Variants in XK observed in about 807,000 individuals in gnomAD.
XK encodes the protein X-linked Kx blood group antigen, Kell and VPS13A binding protein.
Under a neutral mutation model 14.0 loss-of-function variants are expected in XK, and 2 were observed. That is an observed-to-expected ratio of 0.14 (90% CI 0.06 to 0.45). The LOEUF (loss-of-function observed/expected upper bound fraction) is 0.45, where lower values mean the gene tolerates loss of function less well. Among genes scored for constraint, XK ranks in the 20% least tolerant of loss-of-function variants. The probability of loss-of-function intolerance (pLI) is 0.98; values close to 1 mark genes in which losing one functional copy is unlikely to be tolerated. For synonymous variants in XK, 149 were observed against 147.5 expected, an observed-to-expected ratio of 1.01 and a Z score of -0.08; for missense variants, 235 against 341.5, an observed-to-expected ratio of 0.69 and a Z score of 2.46.
intron 2 of XK, among the ~76,000 whole-genome samples, chrX:37,713,001 TG>T (rs1927696479): frequency 8.9e-6 from 1 of 112,002 alleles, no homozygotes; most frequent in Admixed American, 9.5e-5. Context: ...CTGTCTTCCT[TG>T]GCTTCTTATT....
intron 2 of XK, among the ~76,000 whole-genome samples, chrX:37,722,339 G>A (rs953255690): frequency 4.5e-5 from 5 of 110,857 alleles, no homozygotes; most frequent in African/African-American, 1.6e-4. Flanking sequence ...ATACACTAGG[G>A]GAAAAGAGTC....
chrX:37,685,811 G>C lies in XK; in HGVS notation c.-151G>C. On this transcript the variant is annotated 5_prime_UTR_variant, in exon 1 of 3. Coordinates refer to ENST00000378616, the MANE Select transcript of XK (RefSeq NM_021083.4). ...GTTCCAGAGCCCAGGCCGGTCGGCCGGGCCCGCGTGCCCTCGGCGGGCTGC... is the reference window on the plus strand; with the variant it reads ...GTTCCAGAGCCCAGGCCGGTCGGCCCGGCCCGCGTGCCCTCGGCGGGCTGC... 5 of 441,399 alleles carry C rather than the reference G, an allele frequency of 1.1e-5. No individual in the cohort carries two copies. The highest frequency in any genetic ancestry group is 1.0e-4 in the South Asian group (2 of 19,732). The allele number at this position is 441,399 out of a possible 1,213,427, so 36.4% of individuals were successfully genotyped here. A position where few individuals can be genotyped will look rare whatever the true frequency, so the allele number is the denominator to read the frequency against.
chrX:37,728,103 A>C lies in XK; in HGVS notation c.976A>C (p.Ile326Leu). The C allele has an allele frequency of 5.8e-6, 7 of 1,211,460 alleles. No homozygotes were observed. The highest frequency in any genetic ancestry group is 7.8e-6 in the Non-Finnish European group (7 of 895,394). ...ACTGGTGTATTACATGATAAGATTCATCGAGAATGCCATCCTCCTCCTCCT... is the reference window on the plus strand; with the variant it reads ...ACTGGTGTATTACATGATAAGATTCCTCGAGAATGCCATCCTCCTCCTCCT... ...QLLVYYMIRF[I>L]ENAILLLLWY... Residue 326 changes from isoleucine to leucine, a missense_variant, in exon 3 of 3, where the codon ATC becomes CTC. Coordinates refer to ENST00000378616, the MANE Select transcript of XK (RefSeq NM_021083.4).
At position 37,694,503 on chromosome X, in the gene XK, C is replaced by G; in HGVS notation, c.463C>G (p.Gln155Glu). The change falls in exon 2 of 3, where the codon CAG becomes GAG. Residue 155 changes from glutamine (Q) to glutamate (E), a missense_variant. Coordinates refer to ENST00000378616, the MANE Select transcript of XK (RefSeq NM_021083.4). ...GGGCTCAGCCCCCCAGCTGACCCTA[C>G]AGCTGTACATAAGTGTCATGCAGCA... ...FLGSAPQLTL[Q>E]LYISVMQQDV... The G allele has an allele frequency of 8.4e-7, 1 of 1,192,279 alleles. No homozygotes were observed. Among genetic ancestry groups the G allele is most frequent in the East Asian group, 3.0e-5 (1 of 33,109 alleles).
chrX:37,712,431 C>T (rs941662250), intron 2 of XK, among the ~76,000 whole-genome samples: 3 of 112,061 alleles, frequency 2.7e-5, no homozygotes, highest in African/African-American at 9.7e-5. Flanking sequence ...TGGTGCTTTA[C>T]ATGATATAAG....
chrX:37,726,442 G>T (rs1232724562), intron 2 of XK, among the ~76,000 whole-genome samples: 3 of 111,630 alleles, frequency 2.7e-5, no homozygotes, highest in African/African-American at 9.8e-5. Context: ...GGTGAGACAA[G>T]AAAAAAACGA....
Position 37,730,182 on chromosome X carries a change from A to G in XK, c.*1720A>G, listed in dbSNP as rs1928058719. 1 of 111,862 alleles carries G rather than the reference A, an allele frequency of 8.9e-6. No individual in the cohort carries two copies. Among genetic ancestry groups the G allele is most frequent in the East Asian group, 2.8e-4 (1 of 3,557 alleles). 9.2% of individuals were successfully genotyped at this position (111,862 alleles called of 1,213,427 possible). The stretch of plus-strand genomic sequence containing the variant: ...TTTTTTGTCTATTTTTAACCAAATA[A>G]GAATAACACTCAAGACTATGTTCTC... On this transcript the variant is annotated 3_prime_UTR_variant, in exon 3 of 3. Coordinates refer to ENST00000378616, the MANE Select transcript of XK (RefSeq NM_021083.4).
chrX:37,686,195 G>T lies in XK; in HGVS notation c.234G>T (p.Gly78=), dbSNP rs1556440167. 8.3e-7 allele frequency: 1 copy of T among 1,207,913 alleles called. No individual in the cohort carries two copies. Among genetic ancestry groups the T allele is most frequent in the South Asian group, 1.8e-5 (1 of 56,373 alleles). ...LVLLLHLLQL[G]PLFRCFEVFC... is the part of the protein sequence containing the mutation. ...TGCTGCTGCACCTGCTGCAACTTGG[G>T]CCCCTTTTCAGGTGCGTGCAGAAGC... The change falls in exon 1 of 3, where the codon GGG becomes GGT. Residue 78 remains glycine, a synonymous_variant. Transcript: ENST00000378616.
intron 2 of XK, among the ~76,000 whole-genome samples, chrX:37,703,899 A>G (rs1186124527): frequency 8.9e-6 from 1 of 112,617 alleles, no homozygotes; most frequent in Non-Finnish European, 1.9e-5. Flanking sequence ...TATTTGGGTA[A>G]GGCCAGACAG....
chrX:37,708,324 A>G (rs1556445940), intron 2 of XK, among the ~76,000 whole-genome samples: 1 of 111,940 alleles, frequency 8.9e-6, no homozygotes, highest in African/African-American at 3.3e-5. Context: ...AAGATGCTGC[A>G]CTGCTGGCTT....
chrX:37,713,219 G>A (rs145225355), intron 2 of XK, among the ~76,000 whole-genome samples: 202 of 111,981 alleles, frequency 1.8e-3, no homozygotes, highest in Non-Finnish European at 3.3e-3. Context: ...ATTTGGTACT[G>A]TTTAATACTG....
chrX:37,714,322 A>G (rs1368692189), intron 2 of XK, among the ~76,000 whole-genome samples: 1 of 111,121 alleles, frequency 9.0e-6, no homozygotes, highest in African/African-American at 3.3e-5. Context: ...TATTTCTTAT[A>G]TAATAAGAAA....
chrX:37,722,087 G>A (rs1241389975), intron 2 of XK, among the ~76,000 whole-genome samples: 1 of 111,619 alleles, frequency 9.0e-6, no homozygotes, highest in Non-Finnish European at 1.9e-5. Flanking sequence ...TTTTTGAGGT[G>A]ATGAAAACTT....
At chrX:37,724,498 T>C (rs1927939416) in intron 2 of XK, among the ~76,000 whole-genome samples, 1 of 111,483 alleles carries the variant, frequency 9.0e-6, no homozygotes, top group South Asian at 3.7e-4. Flanking sequence ...AAAATTAACC[T>C]GAAATGGCTC....
chrX:37,689,264 A>G (rs1335005835), intron 1 of XK, among the ~76,000 whole-genome samples: 1 of 112,297 alleles, frequency 8.9e-6, no homozygotes, highest in African/African-American at 3.2e-5. Context: ...AGATTAAAAG[A>G]AAAGCAGTTT....
intron 2 of XK, among the ~76,000 whole-genome samples, chrX:37,724,399 C>T (rs1927937201): frequency 9.0e-6 from 1 of 111,054 alleles, no homozygotes; most frequent in African/African-American, 3.3e-5. Flanking sequence ...TAAAAACAGT[C>T]AACTGATCTT....
At position 37,686,220 on chromosome X, in the gene XK, C is replaced by T; in HGVS notation, c.245+14C>T. Reference sequence around the variant, plus strand: ...GCCCCTTTTCAGGTGCGTGCAGAAGCCCAGAGCCAGCCCCAGGCCGCAGCC... The same window carrying T: ...GCCCCTTTTCAGGTGCGTGCAGAAGTCCAGAGCCAGCCCCAGGCCGCAGCC... On this transcript the variant is annotated intron_variant, in intron 1 of 2. Transcript: ENST00000378616. The T allele has an allele frequency of 1.7e-6, 2 of 1,204,773 alleles. No homozygotes were observed. Among genetic ancestry groups the T allele is most frequent in the Non-Finnish European group, 1.1e-6 (1 of 894,203 alleles).
intron 2 of XK, among the ~76,000 whole-genome samples, chrX:37,707,123 G>A (rs1411571492): frequency 8.9e-6 from 1 of 112,565 alleles, no homozygotes; most frequent in African/African-American, 3.2e-5. Flanking sequence ...TGTCATCATG[G>A]CCCGTTCTCA....
rs368021749 is a variant in XK at position 37,694,445 on chromosome X, G to T, written c.405G>T (p.Ala135=). 1 of 1,193,503 alleles carries T rather than the reference G, an allele frequency of 8.4e-7. No individual in the cohort carries two copies. Among genetic ancestry groups the T allele is most frequent in the Non-Finnish European group, 1.1e-6 (1 of 885,612 alleles). Residue 135 remains alanine (A), a synonymous_variant, in exon 2 of 3, where the codon GCG becomes GCT. Coordinates refer to ENST00000378616, the MANE Select transcript of XK (RefSeq NM_021083.4). ...GCAAACTAATCACCCACCGATCAGC[G>T]TTCAGCCGGGCGTCGGTGATCCAGG... ...AEGKLITHRS[A]FSRASVIQAF...
Sources: allele counts gnomAD v4.1 joint callset (sites outside exome capture counted in the v4.1 genomes callset), GRCh38; gene constraint gnomAD v4.1.1; transcripts MANE v1.5; gene names NCBI Gene and HGNC (gene_info 2026-07-23, HGNC 2026-07-21).